DLG2: variants seen among roughly 807,000 people sequenced by gnomAD.
DLG2 encodes the protein disks large homolog 2.
In DLG2, 45 loss-of-function variants were observed where a neutral mutation model predicts 132.5. The observed-to-expected ratio is 0.34, with a 90% confidence interval of 0.27 to 0.44. The LOEUF (loss-of-function observed/expected upper bound fraction) is 0.44, where lower values mean the gene tolerates loss of function less well. Among genes scored for constraint, DLG2 ranks in the 20% least tolerant of loss-of-function variants. The pLI is 1.00. For synonymous variants in DLG2, 424 were observed against 419.6 expected, an observed-to-expected ratio of 1.01 and a Z score of -0.13; for missense variants, 1,045 against 1,196.9, an observed-to-expected ratio of 0.87 and a Z score of 1.87.
chr11:84,199,817 G>A (rs992027375), intron 8 of DLG2, among the ~76,000 whole-genome samples: 2 of 152,004 alleles, frequency 1.3e-5, no homozygotes, highest in Admixed American at 6.5e-5. Context: ...ACAATATCAA[G>A]TGGTCTAACA....
intron 11 of DLG2, among the ~76,000 whole-genome samples, chr11:83,983,653 T>C (rs1294749461): frequency 6.6e-6 from 1 of 152,028 alleles, no homozygotes; most frequent in African/African-American, 2.4e-5. Flanking sequence ...GATAGGGCAA[T>C]TAAAGCAAGT....
At chr11:85,278,780 A>T (rs950502556) in intron 4 of DLG2, among the ~76,000 whole-genome samples, 3 of 152,174 alleles carry the variant, frequency 2.0e-5, no homozygotes, top group African/African-American at 7.2e-5. Flanking sequence ...GTACTCTAGT[A>T]AAAATCATCC....
chr11:84,923,335 C>T, intron 6 of DLG2: 1 of 1,258,864 alleles, frequency 7.9e-7, no homozygotes, highest in Non-Finnish European at 1.0e-6. Context: ...TAGCATTATG[C>T]CCAGTAATTT....
At position 85,287,773 on chromosome 11, in the gene DLG2, AT is replaced by A. The variant is rs1437466085; in HGVS notation, c.41-2409del. On this transcript the variant is annotated intron_variant, in intron 3 of 27. Transcript: ENST00000376104. ...AAAAGTGAAATAGATAAATTGTGAT[AT>A]GTTCTCAAGATGGAGTGTATGGAGC... is the stretch of plus-strand genomic sequence containing the variant. Among the ~76,000 whole-genome samples the A allele has an allele frequency of 5.9e-5, 9 of 152,154 alleles. No homozygotes were observed. The East Asian group carries it at 1.7e-3, about 29-fold the overall frequency.
At position 85,211,667 on chromosome 11, in the gene DLG2, G is replaced by A. The variant is rs147535055; in HGVS notation, c.187-57016C>T. Among the ~76,000 whole-genome samples the A allele has an allele frequency of 6.8e-4, 103 of 152,140 alleles. No homozygotes were observed. In the East Asian group the frequency reaches 0.01, roughly 15 times the overall value. ...AATCTGTGAACCAGATAAATTATTG[G>A]AACTTTTCTAGCTCAAGCTTCAAAA... On this transcript the variant is annotated intron_variant, in intron 4 of 27. Coordinates refer to ENST00000376104, the MANE Select transcript of DLG2 (RefSeq NM_001142699.3).
intron 7 of DLG2, among the ~76,000 whole-genome samples, chr11:84,406,946 C>T (rs1238790713): frequency 1.3e-5 from 2 of 152,164 alleles, no homozygotes; most frequent in Admixed American, 6.5e-5. Flanking sequence ...AGATGGGCAG[C>T]TCACAGATAG....
At chr11:85,120,936 T>C (rs1445387319) in intron 5 of DLG2, among the ~76,000 whole-genome samples, 1 of 152,068 alleles carries the variant, frequency 6.6e-6, no homozygotes, top group Admixed American at 6.6e-5. Context: ...TGAAAGTCTG[T>C]AAAGCTTTTA....
intron 8 of DLG2, among the ~76,000 whole-genome samples, chr11:84,197,413 C>T (rs1411978269): frequency 6.6e-6 from 1 of 152,054 alleles, no homozygotes; most frequent in Non-Finnish European, 1.5e-5. Flanking sequence ...ATTTGTATAG[C>T]CATTTTTAAA....
intron 4 of DLG2, among the ~76,000 whole-genome samples, chr11:85,262,468 G>A (rs1252867831): frequency 2.6e-5 from 4 of 152,054 alleles, no homozygotes; most frequent in African/African-American, 4.8e-5. Flanking sequence ...GAAACCACCC[G>A]TACTTCCACA....
chr11:84,089,469 T>C (rs2097053045), intron 10 of DLG2, among the ~76,000 whole-genome samples: 1 of 152,152 alleles, frequency 6.6e-6, no homozygotes, highest in Admixed American at 6.5e-5. Flanking sequence ...TTAGTGGATA[T>C]ACATTAATGA....
intron 6 of DLG2, among the ~76,000 whole-genome samples, chr11:84,987,163 T>C (rs983170687): frequency 5.3e-5 from 8 of 152,010 alleles, no homozygotes; most frequent in Non-Finnish European, 4.4e-5. Context: ...CCCTTTACAA[T>C]AGCTGCGAAA....
chr11:84,696,343 C>T (rs1186746853), intron 6 of DLG2, among the ~76,000 whole-genome samples: 2 of 151,348 alleles, frequency 1.3e-5, no homozygotes, highest in Non-Finnish European at 1.5e-5. Flanking sequence ...ATTATTCACC[C>T]AAATCTATAG....
At chr11:85,324,923 C>T (rs895481281) in intron 3 of DLG2, among the ~76,000 whole-genome samples, 7 of 147,566 alleles carry the variant, frequency 4.7e-5, no homozygotes, top group South Asian at 2.2e-4. Context: ...GCGCACCGTG[C>T]GCGAGCCGAA....
chr11:83,704,506 T>C (rs935753175), intron 18 of DLG2, among the ~76,000 whole-genome samples: 1 of 151,528 alleles, frequency 6.6e-6, no homozygotes, highest in African/African-American at 2.4e-5. Flanking sequence ...TTTCTGGTTT[T>C]TTCTTTTTTT....
chr11:85,498,462 C>T (rs2093720174), intron 3 of DLG2, among the ~76,000 whole-genome samples: 1 of 152,142 alleles, frequency 6.6e-6, no homozygotes, highest in Non-Finnish European at 1.5e-5. Flanking sequence ...GAGACTTAGA[C>T]TCCCACACAA....
intron 14 of DLG2, among the ~76,000 whole-genome samples, chr11:83,958,454 A>G (rs1412809831): frequency 1.3e-5 from 2 of 152,188 alleles, no homozygotes; most frequent in Non-Finnish European, 2.9e-5. Flanking sequence ...GACACACTAA[A>G]TTCACAGCTA....
Position 84,587,848 on chromosome 11 carries a change from A to G in DLG2, c.358-53117T>C, listed in dbSNP as rs545584451. ...TGGTTTTAAAAAAATAATCAATTGC[A>G]TTTTTGTAAAGAAATTGGTATTATT... On this transcript the variant is annotated intron_variant, in intron 6 of 27. Transcript: ENST00000376104. 1.1e-4 allele frequency among the ~76,000 whole-genome samples: 16 copies of G among 152,254 alleles called. No homozygotes were observed. The South Asian group carries it at 2.9e-3, about 28-fold the overall frequency.
chr11:84,145,137 C>A (rs1409340891), intron 9 of DLG2, among the ~76,000 whole-genome samples: 1 of 152,188 alleles, frequency 6.6e-6, no homozygotes, highest in Non-Finnish European at 1.5e-5. Flanking sequence ...TTGATTAGAA[C>A]ATTCAACTTG....
intron 7 of DLG2, among the ~76,000 whole-genome samples, chr11:84,377,328 A>T (rs1363724970): frequency 6.6e-6 from 1 of 152,078 alleles, no homozygotes; most frequent in Non-Finnish European, 1.5e-5. Context: ...TCTAGATTAA[A>T]GGGAATTTAA....
Sources: gnomAD v4.1 joint callset for allele counts (sites outside exome capture counted in the v4.1 genomes callset) on GRCh38, gnomAD v4.1.1 for gene constraint, MANE v1.5 for transcripts, NCBI Gene and HGNC (gene_info 2026-07-23, HGNC 2026-07-21) for gene names.